RYR2: variants seen among roughly 807,000 people sequenced by gnomAD.
RYR2 encodes the protein cardiac muscle ryanodine receptor-calcium release channel.
RYR2 carries 227 observed loss-of-function variants against 601.1 expected under a neutral mutation model. The observed-to-expected ratio is 0.38, with a 90% confidence interval of 0.34 to 0.42. The LOEUF is 0.42. Ranked by LOEUF, RYR2 falls within the 10% of genes least tolerant of loss-of-function variation. The pLI is 1.00. For synonymous variants in RYR2, 2,223 were observed against 2,175.1 expected (o/e 1.02, Z -0.61); for missense variants, 4,646 against 6,156.5 (o/e 0.75, Z 8.21).
intron 12 of RYR2, among the ~76,000 whole-genome samples, chr1:237,423,842 A>G (rs1190317735): frequency 6.6e-6 from 1 of 152,204 alleles, no homozygotes; most frequent in Non-Finnish European, 1.5e-5. Context: ...AGTGCTATAA[A>G]GAAATACCTG....
At chr1:237,679,115 C>T (rs1033687455) in intron 61 of RYR2, among the ~76,000 whole-genome samples, 23 of 152,046 alleles carry the variant, frequency 1.5e-4, no homozygotes, top group African/African-American at 4.6e-4. Flanking sequence ...ACATAGTTAG[C>T]GATTCATGAA....
Position 237,199,787 on chromosome 1 carries a change from T to A in RYR2, c.49-70710T>A, listed in dbSNP as rs1053369176. Among the ~76,000 whole-genome samples the A allele has an allele frequency of 2.6e-5, 4 of 152,216 alleles. No individual in the cohort carries two copies. In the East Asian group the frequency reaches 7.7e-4, roughly 29 times the overall value. On this transcript the variant is annotated intron_variant, in intron 1 of 104. Transcript: ENST00000366574. The stretch of plus-strand genomic sequence containing the variant: ...CAGGATTCTTTCAACTGTGGATCTA[T>A]GAAAACTAATTTTATATCTGAAAAC...
At chr1:237,509,300 T>A (rs946393421) in intron 23 of RYR2, among the ~76,000 whole-genome samples, 2 of 152,196 alleles carry the variant, frequency 1.3e-5, no homozygotes, top group African/African-American at 4.8e-5. Flanking sequence ...CTCCTTTTTG[T>A]GTAGTAGTTA....
At chr1:237,705,746 G>A (rs1573601693) in intron 67 of RYR2, among the ~76,000 whole-genome samples, 1 of 152,264 alleles carries the variant, frequency 6.6e-6, no homozygotes, top group African/African-American at 2.4e-5. Flanking sequence ...CTCAAGATAG[G>A]CTGGAGAGAA....
At position 237,227,724 on chromosome 1, in the gene RYR2, G is replaced by A. The variant is rs571373806; in HGVS notation, c.49-42773G>A. On this transcript the variant is annotated intron_variant, in intron 1 of 104. Transcript: ENST00000366574. Reference sequence around the variant, plus strand: ...TGAGCGTGCCCTGTGATGGGACGGCGGCCTGCCCAGGGCGGGTTCTTGCCT... The same window carrying A: ...TGAGCGTGCCCTGTGATGGGACGGCAGCCTGCCCAGGGCGGGTTCTTGCCT... 7.9e-5 allele frequency among the ~76,000 whole-genome samples: 12 copies of A among 152,292 alleles called. 1 individual carries two copies. In the South Asian group the frequency reaches 1.5e-3, roughly 18 times the overall value.
intron 1 of RYR2, among the ~76,000 whole-genome samples, chr1:237,212,030 T>C (rs912478656): frequency 6.6e-6 from 1 of 152,216 alleles, no homozygotes; most frequent in Non-Finnish European, 1.5e-5. Context: ...TATAATCTCC[T>C]TGGCAGATGG....
chr1:237,224,213 CAT>C (rs1341115292), intron 1 of RYR2, among the ~76,000 whole-genome samples: 1 of 151,960 alleles, frequency 6.6e-6, no homozygotes, highest in East Asian at 1.9e-4. Context: ...AAAAAAAACT[CAT>C]AGATGAACTG....
chr1:237,231,364 T>C (rs1684984450), intron 1 of RYR2, among the ~76,000 whole-genome samples: 1 of 151,760 alleles, frequency 6.6e-6, no homozygotes, highest in South Asian at 2.1e-4. Flanking sequence ...TCTTGCCATG[T>C]TGCCCAGACT....
Position 237,808,852 on chromosome 1 carries a change from T to C in RYR2, c.14299-49T>C, listed in dbSNP as rs138333572. Reference sequence around the variant, plus strand: ...GCCCATGTAGATGTCACGTGTCAATTGTATGTCCTACATTTCTAATACCTG... The same window carrying C: ...GCCCATGTAGATGTCACGTGTCAATCGTATGTCCTACATTTCTAATACCTG... On this transcript the variant is annotated intron_variant, in intron 99 of 104. Transcript: ENST00000366574. 8.2e-3 allele frequency: 13,108 copies of C among 1,601,010 alleles called. 84 individuals are homozygous for C. Among genetic ancestry groups the C allele is most frequent in the South Asian group, 0.022 (1,948 of 90,312 alleles).
At chr1:237,693,559 G>A (rs1194272398) in intron 63 of RYR2, among the ~76,000 whole-genome samples, 6 of 152,138 alleles carry the variant, frequency 3.9e-5, no homozygotes, top group African/African-American at 1.4e-4. Flanking sequence ...GTAATACAAT[G>A]AGCATAATAC....
intron 42 of RYR2, among the ~76,000 whole-genome samples, chr1:237,632,426 A>T (rs1967581): frequency 2.9e-4 from 41 of 141,904 alleles, no homozygotes; most frequent in African/African-American, 9.3e-4. Context: ...ACGGAGTCTC[A>T]GTCTCTTGCC....
At chr1:237,584,263 C>A (rs1304637856) in intron 29 of RYR2, among the ~76,000 whole-genome samples, 4 of 152,132 alleles carry the variant, frequency 2.6e-5, no homozygotes, top group Non-Finnish European at 2.9e-5. Flanking sequence ...AAGAATTGAA[C>A]CCCAGTTATG....
At chr1:237,663,382 A>G in intron 56 of RYR2, among the ~76,000 whole-genome samples, 1 of 152,238 alleles carries the variant, frequency 6.6e-6, no homozygotes, top group East Asian at 1.9e-4. Context: ...AGGAATACAA[A>G]TGGATGAGTG....
chr1:237,061,458 C>T (rs1662883328), intron 1 of RYR2, among the ~76,000 whole-genome samples: 1 of 152,136 alleles, frequency 6.6e-6, no homozygotes, highest in Non-Finnish European at 1.5e-5. Flanking sequence ...GCTAAGACTA[C>T]AAGTGTACAA....
At chr1:237,386,216 T>C (rs1019714221) in intron 8 of RYR2, among the ~76,000 whole-genome samples, 15 of 152,198 alleles carry the variant, frequency 9.9e-5, no homozygotes, top group African/African-American at 3.4e-4. Flanking sequence ...ATAAACACTG[T>C]GTACATATCA....
chr1:237,336,622 G>A (rs1007847475), intron 3 of RYR2, among the ~76,000 whole-genome samples: 4 of 152,002 alleles, frequency 2.6e-5, no homozygotes, highest in African/African-American at 7.2e-5. Flanking sequence ...TTGGGAGGCC[G>A]AGGTGGGTGG....
chr1:237,649,752 A>G (rs1023932476), intron 49 of RYR2, 125 bp from the exon 50 acceptor site: 6 of 743,346 alleles, frequency 8.1e-6, no homozygotes, highest in South Asian at 7.9e-5. Context: ...ACTAAAGAAT[A>G]CATTTCCATG....
At position 237,479,738 on chromosome 1, in the gene RYR2, C is replaced by T. The variant is rs556380862; in HGVS notation, c.1708+10551C>T. On this transcript the variant is annotated intron_variant, in intron 17 of 104. Transcript: ENST00000366574. ...AGACTTTTGAACATTATAATGACTG[C>T]GTAGTTTTTAATTGTGCAACGAAGG... 2.2e-4 allele frequency among the ~76,000 whole-genome samples: 34 copies of T among 152,238 alleles called. No homozygotes were observed. In the Middle Eastern group the frequency reaches 0.014, roughly 61 times the overall value.
At chr1:237,424,178 C>T (rs1705884897) in intron 12 of RYR2, among the ~76,000 whole-genome samples, 1 of 152,122 alleles carries the variant, frequency 6.6e-6, no homozygotes, top group Non-Finnish European at 1.5e-5. Flanking sequence ...CAAACCATAT[C>T]AATTGCATAT....
Sources: allele counts gnomAD v4.1 joint callset (sites outside exome capture counted in the v4.1 genomes callset), GRCh38; gene constraint gnomAD v4.1.1; transcripts MANE v1.5; gene names NCBI Gene and HGNC (gene_info 2026-07-23, HGNC 2026-07-21).